The following LHFPL6 variants were observed in gnomAD, a reference collection of about 807,000 sequenced individuals.
LHFPL6 encodes the protein LHFPL tetraspan subfamily member 6 protein.
Under a neutral mutation model 20.6 loss-of-function variants are expected in LHFPL6, and 9 were observed. That is an observed-to-expected ratio of 0.44 (90% CI 0.26 to 0.76). The LOEUF is 0.76. Among genes scored for constraint, LHFPL6 ranks in the 30% least tolerant of loss-of-function variants. LHFPL6 has a pLI of 0.20. For synonymous variants in LHFPL6, 105 were observed against 98.7 expected (o/e 1.06, Z -0.38); for missense variants, 218 against 253.5 (o/e 0.86, Z 0.95).
chr13:39,427,564 C>T (rs7993890), intron 2 of LHFPL6, among the ~76,000 whole-genome samples: 4,292 of 152,212 alleles, frequency 0.028, 176 homozygotes, highest in African/African-American at 0.091. Context: ...TCTAAAAACA[C>T]TGTCATTTAA....
chr13:39,562,409 C>CATATATACATATATATACAT lies in LHFPL6; in HGVS notation c.385+38422_385+38423insATGTATATATATGTATATAT, dbSNP rs1354505026. On this transcript the variant is annotated intron_variant, in intron 2 of 3. Coordinates refer to ENST00000379589, the MANE Select transcript of LHFPL6 (RefSeq NM_005780.3). ...ATATACATATATATACATATATACA[C>CATATATACATATATATACAT]ATATACACATATACATATATACATA... is the stretch of plus-strand genomic sequence containing the variant. 5.3e-3 allele frequency among the ~76,000 whole-genome samples: 536 copies of CATATATACATATATATACAT among 101,714 alleles called. 12 individuals carry two copies. The highest frequency in any genetic ancestry group is 0.017 in the African/African-American group (510 of 30,846). 66.7% of individuals were successfully genotyped at this position (101,714 alleles called of 152,430 possible). A position where few individuals can be genotyped will look rare whatever the true frequency, so the allele number is the denominator to read the frequency against.
chr13:39,386,088 G>A (rs939654466), intron 2 of LHFPL6, among the ~76,000 whole-genome samples: 1 of 152,062 alleles, frequency 6.6e-6, no homozygotes, highest in African/African-American at 2.4e-5. Context: ...GGTAAGCACC[G>A]AGGGAAATTG....
chr13:39,395,951 C>A (rs573293868), intron 2 of LHFPL6, among the ~76,000 whole-genome samples: 1 of 152,290 alleles, frequency 6.6e-6, no homozygotes, highest in African/African-American at 2.4e-5. Context: ...AAAGGAAATG[C>A]GATTGCTTTC....
At position 39,545,261 on chromosome 13, in the gene LHFPL6, A is replaced by AG. The variant is rs1313378797; in HGVS notation, c.385+55570_385+55571insC. ...ACTCCGTCTCAAAAAAAAAAAAAAAAAAAAAAGTGACTAAGGGTAAGTGGT... is the reference window on the plus strand; with the variant it reads ...ACTCCGTCTCAAAAAAAAAAAAAAAAGAAAAAAGTGACTAAGGGTAAGTGGT... On this transcript the variant is annotated intron_variant, in intron 2 of 3. Transcript: ENST00000379589. Among the ~76,000 whole-genome samples, 7 of 151,360 alleles carry AG rather than the reference A, an allele frequency of 4.6e-5. No individual in the cohort carries two copies. The East Asian group carries it at 1.4e-3, about 29-fold the overall frequency.
chr13:39,416,700 A>G (rs532453625), intron 2 of LHFPL6, among the ~76,000 whole-genome samples: 75 of 152,378 alleles, frequency 4.9e-4, no homozygotes, highest in Non-Finnish European at 1.5e-4. Flanking sequence ...TTGTGTGAAC[A>G]TAAATCAAAT....
At chr13:39,411,072 T>G (rs540427077) in intron 2 of LHFPL6, among the ~76,000 whole-genome samples, 1 of 152,364 alleles carries the variant, frequency 6.6e-6, no homozygotes, top group East Asian at 1.9e-4. Context: ...TTTTGCTGCC[T>G]ATAATAAACA....
At position 39,378,508 on chromosome 13, in the gene LHFPL6, C is replaced by G; in HGVS notation, c.404G>C (p.Gly135Ala). Reference protein sequence around the residue: ...QFLGGLLIGAGCALYPLGWDS... With the variant: ...QFLGGLLIGAACALYPLGWDS... ...CCAGCCCAAGGGGTAGAGGGCACAG[C>G]CAGCACCAATCAACAAGCCTGCAAA... The change falls in exon 3 of 4, where the codon GGC becomes GCC. Residue 135 changes from glycine (G) to alanine (A), a missense_variant. Gly to Ala is a moderately conservative substitution (Grantham distance 60). Transcript: ENST00000379589. The G allele has an allele frequency of 6.2e-7, 1 of 1,613,814 alleles. No individual in the cohort carries two copies. The highest frequency in any genetic ancestry group is 1.1e-5 in the South Asian group (1 of 91,068).
intron 2 of LHFPL6, among the ~76,000 whole-genome samples, chr13:39,474,023 C>A (rs1285989008): frequency 6.6e-6 from 1 of 152,182 alleles, no homozygotes; most frequent in East Asian, 1.9e-4. Flanking sequence ...GAAAGGGTAA[C>A]TATTCAATAC....
chr13:39,456,804 T>C (rs1872581737), intron 2 of LHFPL6, among the ~76,000 whole-genome samples: 1 of 152,074 alleles, frequency 6.6e-6, no homozygotes, highest in Non-Finnish European at 1.5e-5. Context: ...AGATTTCTTT[T>C]TTTTTTTTTT....
At chr13:39,453,959 T>C (rs147334764) in intron 2 of LHFPL6, among the ~76,000 whole-genome samples, 40 of 152,338 alleles carry the variant, frequency 2.6e-4, no homozygotes, top group South Asian at 1.5e-3. Flanking sequence ...TTTGAGTGTA[T>C]ACGTGGACTT....
intron 2 of LHFPL6, among the ~76,000 whole-genome samples, chr13:39,402,157 G>T (rs576850822): frequency 2.0e-5 from 3 of 152,080 alleles, no homozygotes; most frequent in Non-Finnish European, 4.4e-5. Flanking sequence ...CAATATTTTT[G>T]ATATACTTAT....
At chr13:39,371,035 C>CATCTCTTT (rs1870154808) in intron 3 of LHFPL6, among the ~76,000 whole-genome samples, 1 of 152,132 alleles carries the variant, frequency 6.6e-6, no homozygotes, top group South Asian at 2.1e-4. Context: ...AGATGTGGGA[C>CATCTCTTT]AGTCAGTGTT....
intron 2 of LHFPL6, among the ~76,000 whole-genome samples, chr13:39,515,027 G>A (rs1469498814): frequency 1.3e-5 from 2 of 152,152 alleles, no homozygotes; most frequent in African/African-American, 4.8e-5. Context: ...TTCCTTTGAG[G>A]ACCATCCGAG....
At chr13:39,365,299 C>G (rs144275878) in intron 3 of LHFPL6, among the ~76,000 whole-genome samples, 1,692 of 152,216 alleles carry the variant, frequency 0.011, 36 homozygotes, top group African/African-American at 0.038. Context: ...CTGTCTGTAC[C>G]GGTCATACTA....
chr13:39,437,132 C>T (rs988649456), intron 2 of LHFPL6, among the ~76,000 whole-genome samples: 3 of 152,130 alleles, frequency 2.0e-5, no homozygotes, highest in Non-Finnish European at 2.9e-5. Flanking sequence ...TTATTAGTAT[C>T]GTTGCTATTA....
chr13:39,433,029 A>T (rs1275690230), intron 2 of LHFPL6, among the ~76,000 whole-genome samples: 1 of 152,244 alleles, frequency 6.6e-6, no homozygotes, highest in African/African-American at 2.4e-5. Context: ...GCAAAAATCC[A>T]TTCAAGCTAT....
intron 2 of LHFPL6, among the ~76,000 whole-genome samples, chr13:39,426,311 C>T (rs986701929): frequency 4.6e-5 from 7 of 151,654 alleles, no homozygotes; most frequent in African/African-American, 1.7e-4. Context: ...ACCTCCACCT[C>T]CCGGGTTCAA....
At chr13:39,444,107 T>C (rs1872219833) in intron 2 of LHFPL6, among the ~76,000 whole-genome samples, 1 of 152,314 alleles carries the variant, frequency 6.6e-6, no homozygotes, top group East Asian at 1.9e-4. Flanking sequence ...CATGGAATTA[T>C]GTCCATGTCC....
In LHFPL6 at chr13:39,555,327, T is replaced by C. The variant is rs1475422896; in HGVS notation, c.385+45505A>G. Among the ~76,000 whole-genome samples, 6 of 150,232 alleles carry C rather than the reference T, an allele frequency of 4.0e-5. No homozygotes were observed. The East Asian group carries it at 1.2e-3, about 29-fold the overall frequency. ...GAAAAACAGAGCTCTCCCCGCCCTT[T>C]TTTTTTTTTTTTTGCATTCTGCTGT... On this transcript the variant is annotated intron_variant, in intron 2 of 3. Transcript: ENST00000379589.
Sources: gnomAD v4.1 joint callset for allele counts (sites outside exome capture counted in the v4.1 genomes callset) on GRCh38, gnomAD v4.1.1 for gene constraint, MANE v1.5 for transcripts, NCBI Gene and HGNC (gene_info 2026-07-23, HGNC 2026-07-21) for gene names.